The following FBXW11 variants were observed in gnomAD, a reference collection of about 807,000 sequenced individuals.
The protein encoded by FBXW11 is F-box and WD repeat domain containing 11.
In FBXW11, 19 loss-of-function variants were observed where a neutral mutation model predicts 77.6. The ratio of observed to expected loss-of-function variants is 0.24; its 90% CI spans 0.17 to 0.36. The LOEUF (loss-of-function observed/expected upper bound fraction) is 0.36, where lower values mean the gene tolerates loss of function less well. Among genes scored for constraint, FBXW11 ranks in the 10% least tolerant of loss-of-function variants. The pLI, the probability that FBXW11 is intolerant of heterozygous loss-of-function variation, is 1.00. For synonymous variants in FBXW11, 235 were observed against 249.4 expected (o/e 0.94, Z 0.54); for missense variants, 334 against 704.2 (o/e 0.47, Z 5.95).
intron 1 of FBXW11, among the ~76,000 whole-genome samples, chr5:171,984,112 A>T (rs1242734143): frequency 3.3e-5 from 5 of 152,224 alleles, no homozygotes; most frequent in African/African-American, 1.2e-4. Flanking sequence ...AAAAACAGAC[A>T]TAACTAGCCT....
At chr5:171,881,323 C>T (rs1259656417) in intron 7 of FBXW11, among the ~76,000 whole-genome samples, 5 of 152,144 alleles carry the variant, frequency 3.3e-5, no homozygotes, top group Non-Finnish European at 7.4e-5. Flanking sequence ...TTTCTCAGCA[C>T]TGTGTGTGAC....
chr5:171,869,660 G>T lies in FBXW11; in HGVS notation c.1530+69C>A. On this transcript the variant is annotated intron_variant, in intron 12 of 13. Coordinates refer to ENST00000517395, the MANE Select transcript of FBXW11 (RefSeq NM_001378974.1). This position sits in a 1 kb window ranked among gnomAD's most constrained non-coding sequence, Gnocchi z 4.1. ...CACAAGCGTTCCTGTGATACACCTA[G>T]ACAGGACTATCTGCAAATGGTCATC... 1 of 1,213,828 alleles carries T rather than the reference G, an allele frequency of 8.2e-7. No individual in the cohort carries two copies. Among genetic ancestry groups the T allele is most frequent in the Non-Finnish European group, 1.2e-6 (1 of 852,884 alleles). The allele number at this position is 1,213,828 out of a possible 1,614,324, so 75.2% of individuals were successfully genotyped here.
chr5:171,932,639 G>A (rs1238163788), intron 2 of FBXW11, among the ~76,000 whole-genome samples: 1 of 152,034 alleles, frequency 6.6e-6, no homozygotes, highest in Non-Finnish European at 1.5e-5. Flanking sequence ...AGACAATTTG[G>A]CAGTTTCTTA....
intron 1 of FBXW11, among the ~76,000 whole-genome samples, chr5:172,004,127 C>T (rs1766582958): frequency 2.0e-5 from 3 of 152,144 alleles, no homozygotes; most frequent in African/African-American, 7.2e-5. Context: ...GCAGTGAAAA[C>T]AGAAAGCCAC....
intron 4 of FBXW11, among the ~76,000 whole-genome samples, chr5:171,902,048 G>A (rs565495641): frequency 3.3e-5 from 5 of 152,276 alleles, no homozygotes; most frequent in East Asian, 1.9e-4. Context: ...CACTGATGCC[G>A]CATCAATATG....
At chr5:171,964,653 C>G (rs1432850409) in intron 1 of FBXW11, among the ~76,000 whole-genome samples, 4 of 152,192 alleles carry the variant, frequency 2.6e-5, no homozygotes, top group Non-Finnish European at 5.9e-5. Flanking sequence ...TAGGCTTCCA[C>G]TATTAATGTC....
At chr5:172,003,368 T>C (rs1251578781) in intron 1 of FBXW11, 1 of 152,224 alleles carries the variant, frequency 6.6e-6, no homozygotes, top group East Asian at 1.9e-4. Flanking sequence ...TGATACATAT[T>C]GTACAGTTCT....
chr5:171,913,808 CACACACACAT>C (rs1554099734), intron 3 of FBXW11, among the ~76,000 whole-genome samples: 1,551 of 134,122 alleles, frequency 0.012, 33 homozygotes, highest in Non-Finnish European at 0.019. Flanking sequence ...AACCCCCAAC[CACACACACAT>C]ACACACACAC....
intron 1 of FBXW11, among the ~76,000 whole-genome samples, chr5:171,993,274 T>G (rs1220519644): frequency 1.3e-5 from 2 of 152,020 alleles, no homozygotes; most frequent in Non-Finnish European, 2.9e-5. Flanking sequence ...TTGAAAAAAT[T>G]AAACTAGCAT....
At chr5:171,896,225 A>G (rs1759737165) in intron 6 of FBXW11, among the ~76,000 whole-genome samples, 1 of 152,124 alleles carries the variant, frequency 6.6e-6, no homozygotes, top group Non-Finnish European at 1.5e-5. Context: ...GAGGTGGAGG[A>G]AGAAGGAAAA....
At position 171,904,944 on chromosome 5, in the gene FBXW11, T is replaced by C. The variant is rs187404915; in HGVS notation, c.437-4844A>G. Among the ~76,000 whole-genome samples, 41 of 152,282 alleles carry C rather than the reference T, an allele frequency of 2.7e-4. No homozygotes were observed. The highest frequency in any genetic ancestry group is 9.6e-4 in the African/African-American group (40 of 41,572). On this transcript the variant is annotated intron_variant, in intron 4 of 13. Coordinates refer to ENST00000517395, the MANE Select transcript of FBXW11 (RefSeq NM_001378974.1). This position sits in a 1 kb window ranked among gnomAD's most constrained non-coding sequence, Gnocchi z 4.0. Reference sequence around the variant, plus strand: ...GAACTATTGGTTTATAGCAATGATATCCCTTTTAGTCCTCTTTGATTCCCC... The same window carrying C: ...GAACTATTGGTTTATAGCAATGATACCCCTTTTAGTCCTCTTTGATTCCCC...
chr5:171,883,032 T>A (rs1006512953), intron 7 of FBXW11, among the ~76,000 whole-genome samples: 1 of 152,026 alleles, frequency 6.6e-6, no homozygotes, highest in Admixed American at 6.6e-5. Context: ...TGAGAACATA[T>A]GATGTTTGGT....
chr5:171,950,007 C>T (rs754921529), intron 2 of FBXW11, among the ~76,000 whole-genome samples: 2 of 152,102 alleles, frequency 1.3e-5, no homozygotes, highest in Non-Finnish European at 2.9e-5. Flanking sequence ...CTTAACTCCA[C>T]ATGGCTTAAA....
intron 2 of FBXW11, among the ~76,000 whole-genome samples, chr5:171,916,240 T>TAA (rs557784123): frequency 1.0e-5 from 1 of 98,424 alleles, no homozygotes. Context: ...AAGTATAATT[T>TAA]AAAAAAAAAA....
chr5:171,887,378 T>C (rs1758980616), intron 7 of FBXW11, among the ~76,000 whole-genome samples: 1 of 151,972 alleles, frequency 6.6e-6, no homozygotes, highest in African/African-American at 2.4e-5. Context: ...ATTTCACTTT[T>C]TAAAAAACAA....
At chr5:171,877,892 T>G in intron 8 of FBXW11, 119 bp downstream of exon 8, 1 of 773,154 alleles carries the variant, frequency 1.3e-6, no homozygotes, top group Non-Finnish European at 2.2e-6. Flanking sequence ...ATAAAAGTAG[T>G]TTGAAATACA....
intron 7 of FBXW11, among the ~76,000 whole-genome samples, chr5:171,889,214 GTAA>G (rs1246584004): frequency 6.6e-6 from 1 of 152,148 alleles, no homozygotes; most frequent in East Asian, 1.9e-4. Flanking sequence ...GAAAAAACTG[GTAA>G]GTTGGACTTC....
intron 11 of FBXW11, among the ~76,000 whole-genome samples, chr5:171,870,537 C>T (rs917074363): frequency 1.3e-5 from 2 of 152,156 alleles, no homozygotes; most frequent in Admixed American, 6.5e-5. Flanking sequence ...ACCACAGTGA[C>T]TCTCCCTCTG....
intron 2 of FBXW11, among the ~76,000 whole-genome samples, chr5:171,930,750 A>T (rs1229454343): frequency 1.0e-4 from 5 of 49,556 alleles, no homozygotes; most frequent in East Asian, 9.4e-4. Context: ...TAAAAAATAA[A>T]AAATAAAAAA....
Sources: allele counts gnomAD v4.1 joint callset (sites outside exome capture counted in the v4.1 genomes callset), GRCh38; gene constraint gnomAD v4.1.1; non-coding constraint Gnocchi (gnomAD v3.1); transcripts MANE v1.5; gene names NCBI Gene and HGNC (gene_info 2026-07-23, HGNC 2026-07-21).